The following TOM1L2 variants were observed in gnomAD, a reference collection of about 807,000 sequenced individuals.
TOM1L2 encodes the protein TOM1-like protein 2.
In TOM1L2, 31 loss-of-function variants were observed where a neutral mutation model predicts 67.9. The ratio of observed to expected loss-of-function variants is 0.46; its 90% confidence interval spans 0.34 to 0.62. The LOEUF (loss-of-function observed/expected upper bound fraction) is 0.62. Ranked by LOEUF, TOM1L2 falls within the 20% of genes least tolerant of loss-of-function variation. The pLI is 0.01. For synonymous variants in TOM1L2, 256 were observed against 254.0 expected, an observed-to-expected ratio of 1.01 and a Z score of -0.07; for missense variants, 606 against 663.5, an observed-to-expected ratio of 0.91 and a Z score of 0.95.
intron 2 of TOM1L2, among the ~76,000 whole-genome samples, chr17:17,900,275 TTTGGGAGGC>T (rs2038784495): frequency 6.6e-6 from 1 of 150,834 alleles, no homozygotes. Flanking sequence ...ATCCCAGGAC[TTTGGGAGGC>T]CGAGATGGGT....
intron 7 of TOM1L2, among the ~76,000 whole-genome samples, chr17:17,871,163 G>C (rs2037131591): frequency 6.6e-6 from 1 of 152,128 alleles, no homozygotes; most frequent in African/African-American, 2.4e-5. Flanking sequence ...GAGGTCAGGA[G>C]ATCGAGACCA....
Position 17,865,784 on chromosome 17 carries a change from G to A in TOM1L2, c.1084+512C>T, listed in dbSNP as rs35622054. 1.7e-3 allele frequency among the ~76,000 whole-genome samples: 186 copies of A among 107,088 alleles called. 1 individual carries two copies. The highest frequency in any genetic ancestry group is 6.4e-3 in the African/African-American group (176 of 27,314). The allele number at this position is 107,088 out of a possible 152,430, so 70.3% of individuals were successfully genotyped here. ...TTTTGAGACAGTGTCTTGCTCTGTC[G>A]CCCAGGCTGGAGTGCAATGATGCGA... On this transcript the variant is annotated intron_variant, in intron 10 of 14. Coordinates refer to ENST00000379504, the MANE Select transcript of TOM1L2 (RefSeq NM_001082968.2).
At chr17:17,864,508 CTTT>C (rs1170977424) in intron 10 of TOM1L2, among the ~76,000 whole-genome samples, 1 of 139,894 alleles carries the variant, frequency 7.1e-6, no homozygotes, top group African/African-American at 2.6e-5. Flanking sequence ...CCGCACCCGG[CTTT>C]TTTTTTTTTT....
At chr17:17,904,480 C>A (rs1201463921) in intron 2 of TOM1L2, among the ~76,000 whole-genome samples, 1 of 152,152 alleles carries the variant, frequency 6.6e-6, no homozygotes, top group African/African-American at 2.4e-5. Context: ...GAAAGATCAG[C>A]AGGGTTGAAG....
rs771387359 is a variant in TOM1L2 at position 17,893,680 on chromosome 17, T to G, written c.347A>C (p.Lys116Thr). The change falls in exon 4 of 15, where the codon AAA becomes ACA. Residue 116 changes from lysine (K) to threonine (T), a missense_variant. Lys to Thr is a moderately conservative substitution (Grantham distance 78). This residue lies in a region of TOM1L2 where 543 missense variants were observed against 554.0 expected (regional missense o/e 0.98). Coordinates refer to ENST00000379504, the MANE Select transcript of TOM1L2 (RefSeq NM_001082968.2). ...KNNPPTIVQD[K>T]VLALIQAWAD... ...ACCTACCTGGATCAGAGCAAGCACT[T>G]TGTCCTGTACAATGGTGGGAGGGTT... 1.2e-6 allele frequency: 2 copies of G among 1,613,984 alleles called. No individual in the cohort carries two copies. Among genetic ancestry groups the G allele is most frequent in the Non-Finnish European group, 1.7e-6 (2 of 1,179,992 alleles).
chr17:17,956,864 C>T (rs1270639120), intron 1 of TOM1L2, among the ~76,000 whole-genome samples: 1 of 152,224 alleles, frequency 6.6e-6, no homozygotes, highest in Admixed American at 6.5e-5. Context: ...TCCACATCTC[C>T]CTGCAAGCTG....
chr17:17,969,004 C>G (rs1267467819), intron 1 of TOM1L2, among the ~76,000 whole-genome samples: 2 of 151,980 alleles, frequency 1.3e-5, no homozygotes, highest in Non-Finnish European at 1.5e-5. Flanking sequence ...TCTGTCTTCT[C>G]TCCTGAAACC....
chr17:17,928,166 A>T (rs1180948034), intron 1 of TOM1L2, among the ~76,000 whole-genome samples: 6 of 151,236 alleles, frequency 4.0e-5, no homozygotes, highest in Non-Finnish European at 7.4e-5. Context: ...CAACAAAAAA[A>T]ATCAGTAGGA....
chr17:17,926,886 G>T (rs61657399), intron 1 of TOM1L2, among the ~76,000 whole-genome samples: 7,505 of 152,004 alleles, frequency 0.049, 523 homozygotes, highest in African/African-American at 0.15. Context: ...AAAAGAAAAA[G>T]AAATGTAACC....
At chr17:17,971,075 G>A (rs1249104752) in intron 1 of TOM1L2, among the ~76,000 whole-genome samples, 1 of 152,058 alleles carries the variant, frequency 6.6e-6, no homozygotes, top group African/African-American at 2.4e-5. Flanking sequence ...GCCATCTCTG[G>A]TGTCCCCAGG....
chr17:17,856,358 G>A (rs1049360475), intron 12 of TOM1L2, among the ~76,000 whole-genome samples: 19 of 152,384 alleles, frequency 1.2e-4, no homozygotes, highest in Admixed American at 1.2e-3. Flanking sequence ...GCCTTCTCAC[G>A]CAGAGCAGCA....
chr17:17,899,220 C>T (rs935304841), intron 2 of TOM1L2, among the ~76,000 whole-genome samples: 1 of 152,172 alleles, frequency 6.6e-6, no homozygotes, highest in African/African-American at 2.4e-5. Flanking sequence ...GAGAGTTTTT[C>T]CAGAGAAACC....
intron 12 of TOM1L2, among the ~76,000 whole-genome samples, chr17:17,856,780 C>G (rs1185513504): frequency 1.3e-5 from 2 of 152,212 alleles, no homozygotes; most frequent in Non-Finnish European, 2.9e-5. Context: ...GACATACAGC[C>G]TGAGATGAGC....
At chr17:17,940,014 G>A (rs1376375843) in intron 1 of TOM1L2, among the ~76,000 whole-genome samples, 1 of 151,836 alleles carries the variant, frequency 6.6e-6, no homozygotes, top group East Asian at 1.9e-4. Flanking sequence ...CCAACATGGT[G>A]AAACCTCATC....
intron 12 of TOM1L2, chr17:17,857,890 AAGAAGTCAAT>A (rs760519347): frequency 1.1e-5 from 16 of 1,518,634 alleles, no homozygotes; most frequent in Non-Finnish European, 1.4e-5. Flanking sequence ...ACCCATGAGA[AAGAAGTCAAT>A]AGCACATATT....
At chr17:17,959,260 G>A (rs1410010747) in intron 1 of TOM1L2, among the ~76,000 whole-genome samples, 1 of 152,178 alleles carries the variant, frequency 6.6e-6, no homozygotes. Context: ...TTGTGGGACT[G>A]AGCCCTTAAC....
Position 17,861,501 on chromosome 17 carries a change from T to C in TOM1L2, c.1253A>G (p.Asp418Gly). 3 of 1,614,076 alleles carry C rather than the reference T, an allele frequency of 1.9e-6. No homozygotes were observed. The highest frequency in any genetic ancestry group is 2.5e-6 in the Non-Finnish European group (3 of 1,180,012). ...QAVGGLASAL[D>G]NRKQSSEGIP... The stretch of plus-strand genomic sequence containing the variant: ...CCCTTCTGAACTCTGTTTTCGATTG[T>C]CTAGTGCAGAAGCAAGTCCTCCGAC... The change falls in exon 12 of 15, where the codon GAC (aspartate) becomes GGC (glycine). Residue 418 changes from aspartate (D) to glycine (G), a missense_variant. Physicochemically the swap from Asp to Gly is moderately conservative, Grantham distance 94 (BLOSUM62 -1). Around this residue, in one of 2 missense-constraint regions of TOM1L2, gnomAD observed 543 missense variants for 554.0 expected, o/e 0.98. Coordinates refer to ENST00000379504, the MANE Select transcript of TOM1L2 (RefSeq NM_001082968.2).
intron 1 of TOM1L2, among the ~76,000 whole-genome samples, chr17:17,921,618 C>T (rs1308769108): frequency 6.6e-6 from 1 of 152,074 alleles, no homozygotes; most frequent in Non-Finnish European, 1.5e-5. Flanking sequence ...CTGTGGCCAG[C>T]TTGTCCCAGC....
chr17:17,859,985 G>C (rs555026688), intron 12 of TOM1L2: 1 of 152,346 alleles, frequency 6.6e-6, no homozygotes, highest in East Asian at 1.9e-4. Flanking sequence ...GGTGAAGGGC[G>C]GGAAGTCACT....
Sources: gnomAD v4.1 joint callset for allele counts (sites outside exome capture counted in the v4.1 genomes callset) on GRCh38, gnomAD v4.1.1 for gene constraint, gnomAD v4.1.1 regional missense constraint, MANE v1.5 for transcripts, NCBI Gene and HGNC (gene_info 2026-07-23, HGNC 2026-07-21) for gene names.